CPSF1: variants seen among roughly 807,000 people sequenced by gnomAD.
CPSF1 encodes the protein cleavage and polyadenylation specific factor 1.
In CPSF1, 106 loss-of-function variants were observed where a neutral mutation model predicts 175.8. The ratio of observed to expected loss-of-function variants is 0.60; its 90% CI spans 0.52 to 0.71. The LOEUF (loss-of-function observed/expected upper bound fraction) is 0.71. Among genes scored for constraint, CPSF1 ranks in the 30% least tolerant of loss-of-function variants. CPSF1 has a pLI of 0.00. For synonymous variants in CPSF1, 1,024 were observed against 858.3 expected, an observed-to-expected ratio of 1.19 and a Z score of -3.37; for missense variants, 1,734 against 2,022.9, an observed-to-expected ratio of 0.86 and a Z score of 2.74.
At chr8:144,397,437 G>A (rs1554864367) in intron 22 of CPSF1, 24 bp from the exon 23 acceptor site, 2 of 1,579,278 alleles carry the variant, frequency 1.3e-6, no homozygotes, top group Non-Finnish European at 1.7e-6. Context: ...AGCAGTCAGT[G>A]GAGGCAGGTG....
In CPSF1 at chr8:144,401,620, G is replaced by T. The variant is rs1179590144; in HGVS notation, c.172+26C>A. 7 of 1,611,292 alleles carry T rather than the reference G, an allele frequency of 4.3e-6. No homozygotes were observed. The East Asian group carries it at 1.1e-4, about 26-fold the overall frequency. On this transcript the variant is annotated intron_variant, in intron 3 of 37. Coordinates refer to ENST00000616140, the MANE Select transcript of CPSF1 (RefSeq NM_013291.3). Reference sequence around the variant, plus strand: ...CCCAGCCATGCCTGGCACCCGCACAGCCCCAGGCCGCCCCACCACACTCAC... The same window carrying T: ...CCCAGCCATGCCTGGCACCCGCACATCCCCAGGCCGCCCCACCACACTCAC...
intron 2 of CPSF1, among the ~76,000 whole-genome samples, chr8:144,405,231 A>G (rs2116901305): frequency 6.6e-6 from 1 of 152,222 alleles, no homozygotes; most frequent in Non-Finnish European, 1.5e-5. Context: ...TCCAGTCATG[A>G]GGCAAAGGCC....
chr8:144,394,481 C>A lies in CPSF1; in HGVS notation c.3642G>T (p.Gln1214His). Residue 1214 changes from glutamine to histidine, a missense_variant, in exon 32 of 38, where the codon CAG becomes CAT. By Grantham distance (24) the Gln-to-His change is conservative. Around this residue, in one of 10 missense-constraint regions of CPSF1, gnomAD observed 323 missense variants for 338.5 expected, o/e 0.95. Transcript: ENST00000616140. ...GGATGAAGTTCTTGACGCTGATCATCTGGTGTATGTAGAGCTGCGTGTCGA... is the reference window on the plus strand; with the variant it reads ...GGATGAAGTTCTTGACGCTGATCATATGGTGTATGTAGAGCTGCGTGTCGA... ...AFIDTQLYIHQMISVKNFILA... is the reference protein window; with the variant it reads ...AFIDTQLYIHHMISVKNFILA... 2 of 1,609,416 alleles carry A rather than the reference C, an allele frequency of 1.2e-6. No homozygotes were observed. Among genetic ancestry groups the A allele is most frequent in the Non-Finnish European group, 1.7e-6 (2 of 1,178,626 alleles).
intron 7 of CPSF1, 52 bp from the exon 8 acceptor site, chr8:144,400,545 G>A (rs1554866362): frequency 6.8e-6 from 11 of 1,609,304 alleles, no homozygotes; most frequent in Non-Finnish European, 9.3e-6. Flanking sequence ...CAGAGACCCA[G>A]GCCCAGCTCC....
In CPSF1 at chr8:144,397,889, GA is replaced by G. The variant is rs1554864648; in HGVS notation, c.2074-11del. On this transcript the variant is annotated splice_polypyrimidine_tract_variant and intron_variant, in intron 20 of 37. Transcript: ENST00000616140. ...TAATCACCTTGGACTGCTGCGGGGA[GA>G]GGGGTGGGCTCAGCGGCGGGCAAGG... 1.2e-6 allele frequency: 2 copies of G among 1,601,826 alleles called. No homozygotes were observed. The highest frequency in any genetic ancestry group is 2.2e-5 in the East Asian group (1 of 44,626).
At chr8:144,407,008 G>A (rs1460476687) in intron 2 of CPSF1, among the ~76,000 whole-genome samples, 3 of 151,796 alleles carry the variant, frequency 2.0e-5, no homozygotes, top group South Asian at 2.1e-4. Context: ...CTCCGCCTAC[G>A]GGTTCAAGCA....
chr8:144,395,389 C>T (rs782149862), intron 27 of CPSF1, 34 bp from the exon 28 acceptor site: 20 of 1,611,488 alleles, frequency 1.2e-5, no homozygotes, highest in Middle Eastern at 1.7e-4. Flanking sequence ...ACCAGTGGCC[C>T]GGCCAGGCCC....
chr8:144,396,649 C>T lies in CPSF1; in HGVS notation c.2775G>A (p.Arg925=). The change falls in exon 25 of 38, where the codon CGG becomes CGA. Residue 925 remains arginine (R), a synonymous_variant. Coordinates refer to ENST00000616140, the MANE Select transcript of CPSF1 (RefSeq NM_013291.3). ...AGTAGCGGAAACGCGCCACGCGGCC[C>T]CGGGCCCCAGCCCCCTCCTCTGCGC... The part of the protein sequence containing the change: ...GGGAEEGAGA[R]GRVARFRYFE... 6.2e-7 allele frequency: 1 copy of T among 1,613,804 alleles called. No individual in the cohort carries two copies. The highest frequency in any genetic ancestry group is 1.1e-5 in the South Asian group (1 of 91,088).
At position 144,393,307 on chromosome 8, in the gene CPSF1, C is replaced by T; in HGVS notation, c.*11G>A. ...TAGTTCCGTGTGCTGGTGGTGACGG[C>T]ATCCACGGGGCTAGAAGTGGGCGGT... is the stretch of plus-strand genomic sequence containing the variant. On this transcript the variant is annotated 3_prime_UTR_variant, in exon 38 of 38. Coordinates refer to ENST00000616140, the MANE Select transcript of CPSF1 (RefSeq NM_013291.3). The T allele has an allele frequency of 1.3e-6, 2 of 1,487,304 alleles. No homozygotes were observed. The highest frequency in any genetic ancestry group is 1.8e-6 in the Non-Finnish European group (2 of 1,111,406). 92.1% of individuals were successfully genotyped at this position (1,487,304 alleles called of 1,614,324 possible).
chr8:144,396,484 G>T lies in CPSF1; in HGVS notation c.2843C>A (p.Pro948His), dbSNP rs782162243. ...GGTCACCAAGAGCCAGTGAGGGGAG[G>T]GGCCGCAGATGAAGACCTGGGGGCA... ...YGYSGVFICG[P>H]SPHWLLVTGR... is the part of the protein sequence containing the mutation. The change falls in exon 26 of 38, where the codon CCC becomes CAC. Residue 948 changes from proline to histidine, a missense_variant. Transcript: ENST00000616140. The T allele has an allele frequency of 6.2e-7, 1 of 1,609,514 alleles. No homozygotes were observed. The highest frequency in any genetic ancestry group is 2.2e-5 in the East Asian group (1 of 44,744).
chr8:144,404,880 C>T (rs1821412182), intron 2 of CPSF1, among the ~76,000 whole-genome samples: 1 of 151,576 alleles, frequency 6.6e-6, no homozygotes, highest in East Asian at 2.0e-4. Context: ...CACGGTGAAA[C>T]CCCGTCTCTA....
In CPSF1 at chr8:144,397,748, C is replaced by A; in HGVS notation, c.2205G>T (p.Glu735Asp). The stretch of plus-strand genomic sequence containing the variant: ...CGCCCCCAGCCCCCACGCACCTAGT[C>A]TCTGAGCCCAGGCCCTCGGCCTCCG... ...SGPEAEGLGS[E>D]TSPTVDDEEE... is the part of the protein sequence containing the mutation. The change falls in exon 21 of 38, where the codon GAG (glutamate) becomes GAT (aspartate). Residue 735 changes from glutamate to aspartate, a missense_variant. Transcript: ENST00000616140. The A allele has an allele frequency of 6.2e-7, 1 of 1,603,374 alleles. No homozygotes were observed.
At chr8:144,408,971 C>T in intron 2 of CPSF1, 44 bp downstream of exon 2, 3 of 1,601,322 alleles carry the variant, frequency 1.9e-6, no homozygotes, top group Non-Finnish European at 2.6e-6. Flanking sequence ...GGTGAGAGCA[C>T]CCACGTCGCG....
intron 30 of CPSF1, 31 bp from the exon 31 acceptor site, chr8:144,394,827 C>T (rs1820609178): frequency 6.2e-7 from 1 of 1,612,762 alleles, no homozygotes; most frequent in African/African-American, 1.3e-5. Context: ...TGTGGGATGG[C>T]TGTGGGGATG....
At position 144,401,551 on chromosome 8, in the gene CPSF1, T is replaced by G. The variant is rs2116885632; in HGVS notation, c.185A>C (p.His62Pro). The G allele has an allele frequency of 6.2e-7, 1 of 1,613,756 alleles. No homozygotes were observed. The highest frequency in any genetic ancestry group is 8.5e-7 in the Non-Finnish European group (1 of 1,179,888). Reference sequence around the variant, plus strand: ...GGCAGCAAGCTCGAGCTTCTCCCGGTGGGCCTTCCCCTCTAGGGGAGACAC... The same window carrying G: ...GGCAGCAAGCTCGAGCTTCTCCCGGGGGGCCTTCCCCTCTAGGGGAGACAC... ...KNDRSTEGKA[H>P]REKLELAASF... The change falls in exon 4 of 38, where the codon CAC (histidine) becomes CCC (proline). Residue 62 changes from histidine (H) to proline (P), a missense_variant. Physicochemically the swap from His to Pro is moderately conservative, Grantham distance 77. This residue lies in a region of CPSF1 where 126 missense variants were observed against 117.9 expected (regional missense o/e 1.07). Coordinates refer to ENST00000616140, the MANE Select transcript of CPSF1 (RefSeq NM_013291.3).
intron 22 of CPSF1, 31 bp from the exon 23 acceptor site, chr8:144,397,444 G>A (rs1554864369): frequency 6.3e-7 from 1 of 1,582,814 alleles, no homozygotes; most frequent in East Asian, 2.3e-5. Flanking sequence ...AGTGGAGGCA[G>A]GTGGGTGGAA....
rs2116880634 is a variant in CPSF1 at position 144,401,027 on chromosome 8, C to T, written c.436G>A (p.Asp146Asn). 29 of 1,608,944 alleles carry T rather than the reference C, an allele frequency of 1.8e-5. No individual in the cohort carries two copies. In the Admixed American group the frequency reaches 2.7e-4, roughly 15 times the overall value. The change falls in exon 6 of 38, where the codon GAC (aspartate) becomes AAC (asparagine). Residue 146 changes from aspartate (D) to asparagine (N), a missense_variant. Coordinates refer to ENST00000616140, the MANE Select transcript of CPSF1 (RefSeq NM_013291.3). ...VHTPRVRVDPDGRCAAMLVYG... is the reference protein window; with the variant it reads ...VHTPRVRVDPNGRCAAMLVYG... ...ACAAGCATGGCTGCACAGCGCCCGTCGGGGTCCACCCGCACTCGCGGCGTG... is the reference window on the plus strand; with the variant it reads ...ACAAGCATGGCTGCACAGCGCCCGTTGGGGTCCACCCGCACTCGCGGCGTG...
chr8:144,401,433 G>A lies in CPSF1; in HGVS notation c.303C>T (p.Ala101=). 6.2e-7 allele frequency: 1 copy of A among 1,613,984 alleles called. No homozygotes were observed. Among genetic ancestry groups the A allele is most frequent in the Non-Finnish European group, 8.5e-7 (1 of 1,179,984 alleles). Residue 101 remains alanine, a synonymous_variant, in exon 4 of 38, where the codon GCC becomes GCT. Transcript: ENST00000616140. The part of the protein sequence containing the change: ...RDALLLSFKD[A]KLSVVEYDPG... ...CCCCACCAAGCCTACCACTCACCTTGGCATCCTTGAAGCTTAGGAGCAGGG... is the reference window on the plus strand; with the variant it reads ...CCCCACCAAGCCTACCACTCACCTTAGCATCCTTGAAGCTTAGGAGCAGGG...
chr8:144,395,528 C>T lies in CPSF1; in HGVS notation c.3003G>A (p.Leu1001=). 1 of 1,590,620 alleles carries T rather than the reference C, an allele frequency of 6.3e-7. No individual in the cohort carries two copies. Among genetic ancestry groups the T allele is most frequent in the Middle Eastern group, 1.7e-4 (1 of 5,794 alleles). The change falls in exon 27 of 38, where the codon CTG becomes CTA. Residue 1001 remains leucine (L), a synonymous_variant. Transcript: ENST00000616140. ...NRQGELRISV[L]PAYLSYDAPW... is the part of the protein sequence containing the mutation. The stretch of plus-strand genomic sequence containing the variant: ...GGGCATCATAGGACAGGTAGGCAGG[C>T]AGGACACTGATCCTCAGCTCGCCCT...
Sources: gnomAD v4.1 joint callset for allele counts (sites outside exome capture counted in the v4.1 genomes callset) on GRCh38, gnomAD v4.1.1 for gene constraint, gnomAD v4.1.1 regional missense constraint, MANE v1.5 for transcripts, NCBI Gene and HGNC (gene_info 2026-07-23, HGNC 2026-07-21) for gene names.